NIPBL: variants seen among roughly 807,000 people sequenced by gnomAD.
The protein encoded by NIPBL is NIPBL cohesin loading factor.
In NIPBL, 19 loss-of-function variants were observed where a neutral mutation model predicts 321.8. The ratio of observed to expected loss-of-function variants is 0.06; its 90% CI spans 0.04 to 0.09. The LOEUF is 0.09. NIPBL is among the 10% of genes least tolerant of loss of function. The pLI, the probability that NIPBL is intolerant of heterozygous loss-of-function variation, is 1.00. For missense variants in NIPBL, 2,210 were observed against 3,327.0 expected, an observed-to-expected ratio of 0.66 and a Z score of 8.26; for synonymous variants, 1,106 against 1,114.1, an observed-to-expected ratio of 0.99 and a Z score of 0.14.
chr5:36,925,820 T>A (rs989597488), intron 1 of NIPBL, among the ~76,000 whole-genome samples: 1 of 152,196 alleles, frequency 6.6e-6, no homozygotes, highest in African/African-American at 2.4e-5. Flanking sequence ...GCCTATATTC[T>A]ACTCACATTT....
chr5:37,009,163 T>G (rs1207134022), intron 20 of NIPBL, among the ~76,000 whole-genome samples: 1 of 152,188 alleles, frequency 6.6e-6, no homozygotes, highest in African/African-American at 2.4e-5. Context: ...GAAGATCTTG[T>G]TCATCCTGTT....
intron 42 of NIPBL, among the ~76,000 whole-genome samples, chr5:37,052,795 A>C (rs1753707004): frequency 6.6e-6 from 1 of 152,230 alleles, no homozygotes; most frequent in Admixed American, 6.5e-5. Flanking sequence ...TCCATACTGA[A>C]TATCCTATAA....
intron 6 of NIPBL, among the ~76,000 whole-genome samples, chr5:36,966,125 T>C (rs565693926): frequency 1.3e-5 from 2 of 152,192 alleles, no homozygotes; most frequent in Admixed American, 6.5e-5. Context: ...AATCCAGTTG[T>C]CCTAAATATA....
Position 36,984,783 on chromosome 5 carries a change from T to G in NIPBL, c.1603T>G (p.Ser535Ala). ...GGAGACGGGTTCTACGGGAAATGGG[T>G]CAAGGCCAGCATTAATGGTTAGCAT... ...SQETGSTGNG[S>A]RPALMVSIDL... The change falls in exon 10 of 47, where the codon TCA (serine) becomes GCA (alanine). Residue 535 changes from serine (S) to alanine (A), a missense_variant. Coordinates refer to ENST00000282516, the MANE Select transcript of NIPBL (RefSeq NM_133433.4). 1 of 1,613,690 alleles carries G rather than the reference T, an allele frequency of 6.2e-7. No individual in the cohort carries two copies. The highest frequency in any genetic ancestry group is 8.5e-7 in the Non-Finnish European group (1 of 1,179,796).
In NIPBL at chr5:36,975,714, A is replaced by G. The variant is rs1477007524; in HGVS notation, c.869-62A>G. The G allele has an allele frequency of 2.0e-6, 3 of 1,466,046 alleles. No individual in the cohort carries two copies. The South Asian group carries it at 3.5e-5, about 17-fold the overall frequency. The allele number at this position is 1,466,046 out of a possible 1,614,324, so 90.8% of individuals were successfully genotyped here. ...TATATTGTCACTTATTAATATTTCT[A>G]TCACATTGTAAGAAAATGTGAAACC... On this transcript the variant is annotated intron_variant, in intron 8 of 46. Transcript: ENST00000282516.
At chr5:37,060,051 A>G (rs1438706905) in intron 44 of NIPBL, among the ~76,000 whole-genome samples, 1 of 152,028 alleles carries the variant, frequency 6.6e-6, no homozygotes, top group Non-Finnish European at 1.5e-5. Context: ...AGTGTGTTGC[A>G]TGTAAAGAGG....
chr5:37,059,218 A>C, intron 44 of NIPBL, 53 bp downstream of exon 44: 1 of 1,583,810 alleles, frequency 6.3e-7, no homozygotes, highest in African/African-American at 1.3e-5. Flanking sequence ...CAAATAATAA[A>C]TATTTGGGCT....
chr5:36,993,889 G>A (rs1745833549), intron 10 of NIPBL, among the ~76,000 whole-genome samples: 1 of 152,064 alleles, frequency 6.6e-6, no homozygotes, highest in Admixed American at 6.5e-5. Flanking sequence ...CCAGAGTTAG[G>A]CAATCAAGAA....
At chr5:37,012,731 T>C (rs1748317958) in intron 21 of NIPBL, among the ~76,000 whole-genome samples, 1 of 152,046 alleles carries the variant, frequency 6.6e-6, no homozygotes. Context: ...CGCCCTTAAT[T>C]CATTCAACCC....
rs1329800608 is a variant in NIPBL at position 36,985,921 on chromosome 5, C to G, written c.2741C>G (p.Thr914Ser). 3.1e-6 allele frequency: 5 copies of G among 1,613,712 alleles called. No individual in the cohort carries two copies. In the Middle Eastern group the frequency reaches 6.6e-4, roughly 212 times the overall value. The change falls in exon 10 of 47, where the codon ACT (threonine) becomes AGT (serine). Residue 914 changes from threonine to serine, a missense_variant. This residue lies in a region of NIPBL where 588 missense variants were observed against 564.1 expected (regional missense o/e 1.04). Transcript: ENST00000282516. ...RSDKLGFKSP[T>S]SKDDKRTEGN... ...GATAAACTTGGTTTTAAATCACCAACTAGTAAAGATGACAAAAGGACAGAG... is the reference window on the plus strand; with the variant it reads ...GATAAACTTGGTTTTAAATCACCAAGTAGTAAAGATGACAAAAGGACAGAG...
intron 1 of NIPBL, among the ~76,000 whole-genome samples, chr5:36,908,641 T>TA (rs372159856): frequency 0.014 from 2,051 of 151,208 alleles, 45 homozygotes; most frequent in African/African-American, 0.046. Context: ...CTTTAGGCAT[T>TA]AAAAAAAAAT....
At chr5:37,043,296 G>C (rs1035623144) in intron 34 of NIPBL, among the ~76,000 whole-genome samples, 3 of 152,022 alleles carry the variant, frequency 2.0e-5, no homozygotes, top group African/African-American at 7.2e-5. Context: ...TTGGGAGGCC[G>C]AGGCAGGTGG....
intron 6 of NIPBL, among the ~76,000 whole-genome samples, chr5:36,970,401 G>T (rs1456129074): frequency 1.6e-5 from 2 of 128,124 alleles, no homozygotes; most frequent in Non-Finnish European, 3.2e-5. Context: ...ATAAATAAAA[G>T]AATTTAAAAC....
intron 34 of NIPBL, 132 bp from the exon 35 acceptor site, chr5:37,044,215 T>A (rs1004874477): frequency 1.3e-6 from 1 of 787,184 alleles, no homozygotes; most frequent in Non-Finnish European, 2.0e-6. Context: ...AAAAAAAAAC[T>A]CTAACAGACT....
chr5:36,892,584 T>C (rs953857310), intron 1 of NIPBL, among the ~76,000 whole-genome samples: 2 of 152,148 alleles, frequency 1.3e-5, no homozygotes, highest in African/African-American at 2.4e-5. Flanking sequence ...GTGGCACATA[T>C]ACACCATGGA....
At chr5:36,913,185 A>G (rs539033372) in intron 1 of NIPBL, among the ~76,000 whole-genome samples, 4 of 152,142 alleles carry the variant, frequency 2.6e-5, no homozygotes, top group African/African-American at 4.8e-5. Flanking sequence ...TAATAGTAAC[A>G]ATGTTAAAAT....
chr5:37,034,412 C>T (rs1398477467), intron 32 of NIPBL, among the ~76,000 whole-genome samples: 2 of 152,124 alleles, frequency 1.3e-5, no homozygotes, highest in Non-Finnish European at 2.9e-5. Flanking sequence ...ACAAAAGAAT[C>T]TTGCATATTT....
rs1753564657 is a variant in NIPBL, at chr5:37,051,709, GT to G, written c.6955-66del. 8 of 1,030,544 alleles carry G rather than the reference GT, an allele frequency of 7.8e-6. No individual in the cohort carries two copies. In the East Asian group the frequency reaches 2.0e-4, roughly 25 times the overall value. 63.8% of individuals were successfully genotyped at this position (1,030,544 alleles called of 1,614,324 possible). On this transcript the variant is annotated intron_variant, in intron 40 of 46. Transcript: ENST00000282516. ...TTCATATATCTCAGATATATGAAAA[GT>G]TTTGACATATGTCTAAATAGAGAAT...
chr5:36,902,257 G>A (rs1747293075), intron 1 of NIPBL, among the ~76,000 whole-genome samples: 1 of 152,094 alleles, frequency 6.6e-6, no homozygotes, highest in Admixed American at 6.5e-5. Flanking sequence ...AACCTCTTTA[G>A]TTTAATTAGA....
Sources: gnomAD v4.1 joint callset for allele counts (sites outside exome capture counted in the v4.1 genomes callset) on GRCh38, gnomAD v4.1.1 for gene constraint, gnomAD v4.1.1 regional missense constraint, MANE v1.5 for transcripts, NCBI Gene and HGNC (gene_info 2026-07-23, HGNC 2026-07-21) for gene names.